AFF3: variants seen among roughly 807,000 people sequenced by gnomAD.
AFF3 encodes ALF transcription elongation factor 3, also known as AF4/FMR2 family member 3.
In AFF3, 32 loss-of-function variants were observed where a neutral mutation model predicts 129.7. The ratio of observed to expected loss-of-function variants is 0.25; its 90% CI spans 0.19 to 0.33. AFF3 has a LOEUF of 0.33. Ranked by LOEUF, AFF3 falls within the 10% of genes least tolerant of loss-of-function variation. The pLI is 1.00. For synonymous variants in AFF3, 644 were observed against 635.4 expected (o/e 1.01, Z -0.20); for missense variants, 1,373 against 1,592.0 (o/e 0.86, Z 2.34).
chr2:99,626,638 T>A (rs1403114226), intron 13 of AFF3, among the ~76,000 whole-genome samples: 2 of 150,850 alleles, frequency 1.3e-5, no homozygotes, highest in Admixed American at 1.3e-4. Flanking sequence ...GGTAAACTTA[T>A]GTCACCGGGT....
chr2:99,648,907 A>ACTCTCTCTCTCTCT (rs1464965146), intron 13 of AFF3, among the ~76,000 whole-genome samples: 3 of 39,238 alleles, frequency 7.6e-5, no homozygotes, highest in Non-Finnish European at 1.2e-4. Flanking sequence ...ACACACACAC[A>ACTCTCTCTCTCTCT]CACACACACA....
chr2:99,965,663 T>A (rs1677673540), intron 7 of AFF3, among the ~76,000 whole-genome samples: 1 of 152,250 alleles, frequency 6.6e-6, no homozygotes, highest in African/African-American at 2.4e-5. Context: ...ATGTTTGTCG[T>A]ATTAGTTTAG....
chr2:99,605,749 C>A (rs1680269121), intron 13 of AFF3, among the ~76,000 whole-genome samples: 1 of 152,176 alleles, frequency 6.6e-6, no homozygotes, highest in Admixed American at 6.5e-5. Flanking sequence ...CAGTAGTGGT[C>A]ATAGCTCACT....
chr2:99,755,556 C>T (rs1012167325), intron 8 of AFF3, among the ~76,000 whole-genome samples: 7 of 152,128 alleles, frequency 4.6e-5, no homozygotes, highest in Non-Finnish European at 7.4e-5. Context: ...AGTGAGTCAC[C>T]GCGCCCGGCC....
Position 100,000,507 on chromosome 2 carries a change from C to CGT in AFF3, c.873+6124_873+6125insAC, listed in dbSNP as rs572526946. Among the ~76,000 whole-genome samples, 45 of 140,996 alleles carry CGT rather than the reference C, an allele frequency of 3.2e-4. 1 individual carries two copies. In the South Asian group the frequency reaches 9.1e-3, roughly 29 times the overall value. 92.5% of individuals were successfully genotyped at this position (140,996 alleles called of 152,430 possible). On this transcript the variant is annotated intron_variant, in intron 7 of 24. Transcript: ENST00000672756. ...TGTAGAATTTCATCTCTCTCTAGCACGCGCGCACACACACACACACACACA... is the reference window on the plus strand; with the variant it reads ...TGTAGAATTTCATCTCTCTCTAGCACGTGCGCGCACACACACACACACACACA...
In AFF3 at chr2:99,550,265, G is replaced by A; in HGVS notation, c.*1209C>T. The A allele has an allele frequency of 4.3e-6, 1 of 231,130 alleles. No individual in the cohort carries two copies. The highest frequency in any genetic ancestry group is 6.1e-5 in the East Asian group (1 of 16,362). 14.3% of individuals were successfully genotyped at this position (231,130 alleles called of 1,614,324 possible). ...CACACAGGACACAGGAAGAGGCTCT[G>A]GTTGCTGCTGCCCCAGAAAGGAACT... On this transcript the variant is annotated 3_prime_UTR_variant, in exon 25 of 25. Coordinates refer to ENST00000672756, the MANE Select transcript of AFF3 (RefSeq NM_001386135.1).
At chr2:99,648,911 A>T (rs1300645399) in intron 13 of AFF3, among the ~76,000 whole-genome samples, 4,164 of 35,748 alleles carry the variant, frequency 0.12, 85 homozygotes, top group East Asian at 0.23. Context: ...ACACACACAC[A>T]CACACACTCT....
intron 11 of AFF3, among the ~76,000 whole-genome samples, chr2:99,704,767 G>T (rs1255652926): frequency 1.3e-5 from 2 of 152,162 alleles, no homozygotes; most frequent in Non-Finnish European, 2.9e-5. Flanking sequence ...AGGCCTGAAG[G>T]TACCACATAT....
In AFF3 at chr2:99,554,616, A is replaced by G. The variant is rs1674746861; in HGVS notation, c.3335+67T>C. On this transcript the variant is annotated intron_variant, in intron 23 of 24. Coordinates refer to ENST00000672756, the MANE Select transcript of AFF3 (RefSeq NM_001386135.1). ...GGCAGCCCCTTGGGGAACAGAAAGC[A>G]AAGCGCAGTGGCCCAGCACCATGCA... 6 of 1,612,336 alleles carry G rather than the reference A, an allele frequency of 3.7e-6. No individual in the cohort carries two copies. In the South Asian group the frequency reaches 6.6e-5, roughly 18 times the overall value.
At chr2:100,004,612 T>C (rs1385422883) in intron 7 of AFF3, among the ~76,000 whole-genome samples, 2 of 152,134 alleles carry the variant, frequency 1.3e-5, no homozygotes. Context: ...TGGAATAGCC[T>C]ATAAATATTG....
chr2:100,113,596 G>A (rs1010203308), intron 2 of AFF3, among the ~76,000 whole-genome samples: 1 of 152,192 alleles, frequency 6.6e-6, no homozygotes, highest in African/African-American at 2.4e-5. Context: ...TAGAACAAAC[G>A]CCGTGTACTA....
chr2:99,727,084 T>G lies in AFF3; in HGVS notation c.1084A>C (p.Asn362His), dbSNP rs1461148290. The G allele has an allele frequency of 6.2e-7, 1 of 1,606,016 alleles. No homozygotes were observed. The highest frequency in any genetic ancestry group is 1.1e-5 in the South Asian group (1 of 88,812). The change falls in exon 11 of 25, where the codon AAT becomes CAT. Residue 362 changes from asparagine (N) to histidine (H), a missense_variant. Physicochemically the swap from Asn to His is moderately conservative, Grantham distance 68 (BLOSUM62 1). Around this residue, in one of 9 missense-constraint regions of AFF3, gnomAD observed 413 missense variants for 424.4 expected, o/e 0.97. Coordinates refer to ENST00000672756, the MANE Select transcript of AFF3 (RefSeq NM_001386135.1). ...AAAATGAAAGAAACTTACGATGTAT[T>G]CGATGTGCCATTGTCTGGACTCTCT... ...EPESPDNGTS[N>H]TSMLEDDLKL... is the part of the protein sequence containing the mutation.
intron 12 of AFF3, among the ~76,000 whole-genome samples, chr2:99,662,094 C>T (rs532990991): frequency 1.4e-4 from 22 of 151,884 alleles, no homozygotes; most frequent in South Asian, 8.3e-4. Context: ...GGGCCAAGAT[C>T]GCGCCACTGA....
intron 4 of AFF3, among the ~76,000 whole-genome samples, chr2:100,083,992 T>C (rs2666323): frequency 6.6e-6 from 1 of 152,146 alleles, no homozygotes; most frequent in East Asian, 1.9e-4. Flanking sequence ...TCATCAAAAA[T>C]GTTCCCTTGC....
intron 7 of AFF3, among the ~76,000 whole-genome samples, chr2:99,992,235 G>GA (rs915103984): frequency 9.2e-5 from 14 of 151,544 alleles, no homozygotes; most frequent in African/African-American, 2.7e-4. Context: ...ATACAGCTCA[G>GA]AAAAAAAATG....
chr2:99,584,873 G>A (rs557931537), intron 16 of AFF3, among the ~76,000 whole-genome samples: 119 of 152,288 alleles, frequency 7.8e-4, no homozygotes, highest in Non-Finnish European at 1.2e-3. Flanking sequence ...AAGTCACTTC[G>A]AAAAGCAATT....
At chr2:99,978,024 A>T (rs1250646896) in intron 7 of AFF3, among the ~76,000 whole-genome samples, 2 of 152,136 alleles carry the variant, frequency 1.3e-5, no homozygotes, top group African/African-American at 2.4e-5. Context: ...TGTCCACTCC[A>T]CACTAGTCTG....
At chr2:100,030,955 ATAAACAC>A (rs1162592683) in intron 4 of AFF3, among the ~76,000 whole-genome samples, 5 of 152,254 alleles carry the variant, frequency 3.3e-5, no homozygotes, top group African/African-American at 1.2e-4. Context: ...ATAGAACTTT[ATAAACAC>A]AAAGAGTAAA....
At chr2:99,742,550 C>G (rs1680803795) in intron 10 of AFF3, among the ~76,000 whole-genome samples, 1 of 152,152 alleles carries the variant, frequency 6.6e-6, no homozygotes, top group Admixed American at 6.5e-5. Context: ...CGGGTGCACA[C>G]AGAAATCACA....
Sources: allele counts gnomAD v4.1 joint callset (sites outside exome capture counted in the v4.1 genomes callset), GRCh38; gene constraint gnomAD v4.1.1; regional missense constraint gnomAD v4.1.1; transcripts MANE v1.5; gene names NCBI Gene and HGNC (gene_info 2026-07-23, HGNC 2026-07-21).